Variants in ROBO1 observed in about 807,000 individuals in gnomAD.
The protein encoded by ROBO1 is roundabout guidance receptor 1, also known as roundabout homolog 1.
Under a neutral mutation model 195.9 loss-of-function variants are expected in ROBO1, and 149 were observed. The ratio of observed to expected loss-of-function variants is 0.76; its 90% CI spans 0.67 to 0.87. ROBO1 has a LOEUF of 0.87. ROBO1 is among the 40% of genes least tolerant of loss of function. ROBO1 has a pLI of 0.00. For synonymous variants in ROBO1, 816 were observed against 733.2 expected (o/e 1.11, Z -1.82); for missense variants, 1,933 against 2,068.3 (o/e 0.93, Z 1.27).
rs1377103955 is a variant in ROBO1, at chr3:78,717,396, T to C, written c.796A>G (p.Lys266Glu). ...LTVLERPSFV[K>E]RPSNLAVTVD... is the part of the protein sequence containing the mutation. ...GTTACTGCCAAGTTACTGGGTCTCTTCACAAATGATGGTCTCTCTAAAATT... is the reference window on the plus strand; with the variant it reads ...GTTACTGCCAAGTTACTGGGTCTCTCCACAAATGATGGTCTCTCTAAAATT... The change falls in exon 7 of 31, where the codon AAG becomes GAG. Residue 266 changes from lysine to glutamate, a missense_variant. Transcript: ENST00000464233. 1 of 1,613,704 alleles carries C rather than the reference T, an allele frequency of 6.2e-7. No homozygotes were observed. Among genetic ancestry groups the C allele is most frequent in the East Asian group, 2.2e-5 (1 of 44,876 alleles).
intron 4 of ROBO1, among the ~76,000 whole-genome samples, chr3:78,859,921 T>C (rs2034688916): frequency 1.3e-5 from 2 of 151,844 alleles, no homozygotes. Context: ...CTACTAAAAA[T>C]ACAAAAAATT....
intron 4 of ROBO1, among the ~76,000 whole-genome samples, chr3:78,864,917 G>A (rs1359903040): frequency 2.0e-5 from 3 of 152,046 alleles, no homozygotes; most frequent in Admixed American, 2.0e-4. Flanking sequence ...TAAATGGTTT[G>A]AAAAAATGGC....
At chr3:79,438,584 T>C (rs1415056586) in intron 2 of ROBO1, among the ~76,000 whole-genome samples, 3 of 152,026 alleles carry the variant, frequency 2.0e-5, no homozygotes, top group Non-Finnish European at 4.4e-5. Flanking sequence ...GTCAAATTAC[T>C]TGGTGTGAGT....
intron 2 of ROBO1, among the ~76,000 whole-genome samples, chr3:79,580,690 T>C (rs942905648): frequency 6.6e-6 from 1 of 152,106 alleles, no homozygotes; most frequent in Non-Finnish European, 1.5e-5. Context: ...TTTATATATA[T>C]GTACATCCGC....
chr3:79,471,571 AT>A (rs1938272159), intron 2 of ROBO1, among the ~76,000 whole-genome samples: 1 of 152,178 alleles, frequency 6.6e-6, no homozygotes, highest in Non-Finnish European at 1.5e-5. Flanking sequence ...GAGGTTTGTT[AT>A]TAATGACTAA....
intron 4 of ROBO1, among the ~76,000 whole-genome samples, chr3:78,851,936 T>A (rs1448901494): frequency 6.6e-6 from 1 of 152,112 alleles, no homozygotes. Flanking sequence ...TGATTTTTTT[T>A]AGGATAATAT....
At chr3:79,435,256 G>A (rs2038843875) in intron 2 of ROBO1, among the ~76,000 whole-genome samples, 1 of 151,994 alleles carries the variant, frequency 6.6e-6, no homozygotes, top group African/African-American at 2.4e-5. Flanking sequence ...TTTTAGAGAC[G>A]ATGGGAGGTG....
intron 2 of ROBO1, among the ~76,000 whole-genome samples, chr3:79,220,595 ATG>A (rs1003849429): frequency 6.6e-6 from 1 of 151,418 alleles, no homozygotes; most frequent in Non-Finnish European, 1.5e-5. Flanking sequence ...AATTGCAATG[ATG>A]TGTGTGTGTG....
At chr3:79,088,293 A>G (rs1328329750) in intron 3 of ROBO1, among the ~76,000 whole-genome samples, 1 of 152,136 alleles carries the variant, frequency 6.6e-6, no homozygotes, top group Non-Finnish European at 1.5e-5. Context: ...TTTTACTCAT[A>G]AAAGTGATGT....
chr3:78,882,917 A>G (rs964156559), intron 4 of ROBO1, among the ~76,000 whole-genome samples: 2 of 151,536 alleles, frequency 1.3e-5, no homozygotes, highest in African/African-American at 2.4e-5. Flanking sequence ...GGTTCAAGCA[A>G]TGATCCTGCC....
rs1386998600 is a variant in ROBO1, at chr3:79,185,452, T to C, written c.89-59913A>G. ...TAAATACATAGAGATACTATTTATG[T>C]CGTTTGATGATTCTTACCATCTTTA... On this transcript the variant is annotated intron_variant, in intron 2 of 30. Coordinates refer to ENST00000464233, the MANE Select transcript of ROBO1 (RefSeq NM_002941.4). Among the ~76,000 whole-genome samples, 3 of 152,314 alleles carry C rather than the reference T, an allele frequency of 2.0e-5. No homozygotes were observed. In the East Asian group the frequency reaches 5.8e-4, roughly 29 times the overall value.
chr3:78,833,775 A>G (rs2032447522), intron 4 of ROBO1, among the ~76,000 whole-genome samples: 1 of 152,114 alleles, frequency 6.6e-6, no homozygotes, highest in Non-Finnish European at 1.5e-5. Flanking sequence ...GCAGTTAGGT[A>G]CAAAAATTCT....
intron 1 of ROBO1, among the ~76,000 whole-genome samples, chr3:79,742,434 C>G (rs1703687840): frequency 6.6e-6 from 1 of 152,220 alleles, no homozygotes; most frequent in Admixed American, 6.5e-5. Flanking sequence ...AGGGTGCAAG[C>G]TAGCAGCCAC....
intron 1 of ROBO1, among the ~76,000 whole-genome samples, chr3:79,643,404 C>T (rs969125465): frequency 2.6e-5 from 4 of 152,048 alleles, no homozygotes; most frequent in African/African-American, 7.2e-5. Flanking sequence ...AATAAACTCC[C>T]GTTCATATAT....
chr3:79,448,445 T>C (rs922063934), intron 2 of ROBO1, among the ~76,000 whole-genome samples: 1 of 152,144 alleles, frequency 6.6e-6, no homozygotes, highest in Non-Finnish European at 1.5e-5. Context: ...TTTGTAAGGG[T>C]CCTCCATAAA....
chr3:79,251,890 C>T (rs1388568143), intron 2 of ROBO1, among the ~76,000 whole-genome samples: 1 of 152,016 alleles, frequency 6.6e-6, no homozygotes, highest in Non-Finnish European at 1.5e-5. Flanking sequence ...GTGGAGGTTG[C>T]AGTGAGCCAA....
At chr3:78,980,612 C>T (rs1347504217) in intron 3 of ROBO1, among the ~76,000 whole-genome samples, 7 of 152,120 alleles carry the variant, frequency 4.6e-5, no homozygotes, top group Non-Finnish European at 7.4e-5. Context: ...AACACAAACA[C>T]CGTAACAATA....
chr3:78,860,326 A>ATATATATTTT lies in ROBO1; in HGVS notation c.499+78274_499+78275insAAAATATATA, dbSNP rs376853384. On this transcript the variant is annotated intron_variant, in intron 4 of 30. Coordinates refer to ENST00000464233, the MANE Select transcript of ROBO1 (RefSeq NM_002941.4). ...ACTATATATATATATATATATATAT[A>ATATATATTTT]TTTTTTTTTTTTTACTCATAAGGTG... Among the ~76,000 whole-genome samples, 802 of 93,454 alleles carry ATATATATTTT rather than the reference A, an allele frequency of 8.6e-3. 8 individuals carry two copies. Among genetic ancestry groups the ATATATATTTT allele is most frequent in the Admixed American group, 0.01 (85 of 8,182 alleles). 61.3% of individuals were successfully genotyped at this position (93,454 alleles called of 152,430 possible).
At chr3:79,618,590 C>T (rs926382687) in intron 1 of ROBO1, among the ~76,000 whole-genome samples, 14 of 152,112 alleles carry the variant, frequency 9.2e-5, no homozygotes, top group African/African-American at 3.4e-4. Context: ...TTACCCAAAT[C>T]CTATAAAACT....
Sources: gnomAD v4.1 joint callset for allele counts (sites outside exome capture counted in the v4.1 genomes callset) on GRCh38, gnomAD v4.1.1 for gene constraint, MANE v1.5 for transcripts, NCBI Gene and HGNC (gene_info 2026-07-23, HGNC 2026-07-21) for gene names.